Variants in VWC2L observed in about 807,000 individuals in gnomAD.
VWC2L encodes the protein von Willebrand factor C domain containing 2 like.
A neutral mutation model predicts 21.6 loss-of-function variants in VWC2L; 10 were observed. The observed-to-expected ratio is 0.46, with a 90% CI of 0.29 to 0.78. The LOEUF (loss-of-function observed/expected upper bound fraction) is 0.78. VWC2L is among the 30% of genes least tolerant of loss of function. The probability of loss-of-function intolerance (pLI) is 0.10; values close to 1 mark genes in which losing one functional copy is unlikely to be tolerated. For synonymous variants in VWC2L, 96 were observed against 94.3 expected, an observed-to-expected ratio of 1.02 and a Z score of -0.10; for missense variants, 209 against 277.1, an observed-to-expected ratio of 0.75 and a Z score of 1.74.
intron 3 of VWC2L, among the ~76,000 whole-genome samples, chr2:214,468,252 A>G (rs926129059): frequency 2.6e-5 from 4 of 152,174 alleles, no homozygotes; most frequent in Admixed American, 1.3e-4. Flanking sequence ...CCTGGCCTCA[A>G]GGGATCTGCC....
intron 3 of VWC2L, among the ~76,000 whole-genome samples, chr2:214,569,935 C>T (rs1473932998): frequency 1.3e-5 from 2 of 151,908 alleles, no homozygotes; most frequent in African/African-American, 4.9e-5. Flanking sequence ...CCTTTTCCAT[C>T]CAATTTTTAT....
chr2:214,445,879 T>C, intron 3 of VWC2L, among the ~76,000 whole-genome samples: 1 of 152,172 alleles, frequency 6.6e-6, no homozygotes. Flanking sequence ...ATTTGTACTC[T>C]ATCAACTAAT....
chr2:214,551,607 A>G (rs1245295754), intron 3 of VWC2L, among the ~76,000 whole-genome samples: 4 of 152,136 alleles, frequency 2.6e-5, no homozygotes, highest in Admixed American at 2.6e-4. Context: ...TTTCATTCCA[A>G]TCTATCAGCT....
intron 3 of VWC2L, among the ~76,000 whole-genome samples, chr2:214,478,247 G>A (rs941985253): frequency 2.0e-5 from 3 of 152,084 alleles, no homozygotes; most frequent in Non-Finnish European, 4.4e-5. Flanking sequence ...GGGAGGCCGA[G>A]GCAGGCGGAT....
At chr2:214,540,893 C>A (rs1465139746) in intron 3 of VWC2L, among the ~76,000 whole-genome samples, 1 of 152,170 alleles carries the variant, frequency 6.6e-6, no homozygotes, top group African/African-American at 2.4e-5. Flanking sequence ...CTTCTTCAGG[C>A]AACACATGCA....
chr2:214,544,274 T>C (rs1055924074), intron 3 of VWC2L, among the ~76,000 whole-genome samples: 1 of 152,116 alleles, frequency 6.6e-6, no homozygotes, highest in African/African-American at 2.4e-5. Context: ...GAGAGCCCTG[T>C]TGTAATAGAG....
chr2:214,536,709 T>C (rs1378419831), intron 3 of VWC2L: 4 of 152,108 alleles, frequency 2.6e-5, no homozygotes, highest in South Asian at 4.2e-4. Flanking sequence ...AAAATGTATA[T>C]CTAATCTCTT....
At chr2:214,481,564 CATT>C (rs1688604226) in intron 3 of VWC2L, among the ~76,000 whole-genome samples, 1 of 152,158 alleles carries the variant, frequency 6.6e-6, no homozygotes, top group African/African-American at 2.4e-5. Flanking sequence ...AAGAACTAAT[CATT>C]GTTGTTTAAA....
At chr2:214,484,364 G>A (rs1210248830) in intron 3 of VWC2L, among the ~76,000 whole-genome samples, 1 of 152,076 alleles carries the variant, frequency 6.6e-6, no homozygotes, top group East Asian at 1.9e-4. Flanking sequence ...TGTGACACTG[G>A]GCAACTCACT....
At chr2:214,425,412 T>C (rs1336603384) in intron 2 of VWC2L, among the ~76,000 whole-genome samples, 1 of 152,242 alleles carries the variant, frequency 6.6e-6, no homozygotes, top group Non-Finnish European at 1.5e-5. Context: ...CCTATTTCTC[T>C]GCATTCCTGA....
At position 214,490,891 on chromosome 2, in the gene VWC2L, G is replaced by A. The variant is rs376125696; in HGVS notation, c.520+54133G>A. Reference sequence around the variant, plus strand: ...AAGAGCTAGCCTACAGCCACAACAAGAATGACACTTGGAAACACCGTGCTA... The same window carrying A: ...AAGAGCTAGCCTACAGCCACAACAAAAATGACACTTGGAAACACCGTGCTA... On this transcript the variant is annotated intron_variant, in intron 3 of 3. Coordinates refer to ENST00000312504, the MANE Select transcript of VWC2L (RefSeq NM_001080500.4). Among the ~76,000 whole-genome samples, 6 of 152,294 alleles carry A rather than the reference G, an allele frequency of 3.9e-5. No individual in the cohort carries two copies. In the East Asian group the frequency reaches 1.2e-3, roughly 29 times the overall value.
At chr2:214,524,418 C>T (rs1389363070) in intron 3 of VWC2L, among the ~76,000 whole-genome samples, 6 of 152,280 alleles carry the variant, frequency 3.9e-5, no homozygotes, top group East Asian at 3.9e-4. Flanking sequence ...ATCTCAGCCA[C>T]GTTCTGAGGA....
chr2:214,570,032 A>G (rs778115201), intron 3 of VWC2L, among the ~76,000 whole-genome samples: 1 of 152,052 alleles, frequency 6.6e-6, no homozygotes, highest in Non-Finnish European at 1.5e-5. Flanking sequence ...GAGACCCTTC[A>G]ATTTTCTGCT....
Position 214,563,546 on chromosome 2 carries a change from C to CAAAAAAAAAAAAAAA in VWC2L, c.521-12105_521-12091dup, listed in dbSNP as rs55864016. On this transcript the variant is annotated intron_variant, in intron 3 of 3. Coordinates refer to ENST00000312504, the MANE Select transcript of VWC2L (RefSeq NM_001080500.4). ...TGGGTGACACAGCAAGACTCCGTCT[C>CAAAAAAAAAAAAAAA]AAAAAAAAAAAAAAAAAAAAAAAAA... Among the ~76,000 whole-genome samples the CAAAAAAAAAAAAAAA allele has an allele frequency of 2.0e-3, 188 of 95,782 alleles. 2 individuals carry two copies. Among genetic ancestry groups the CAAAAAAAAAAAAAAA allele is most frequent in the African/African-American group, 2.5e-3 (60 of 23,778 alleles). The allele number at this position is 95,782 out of a possible 152,430, so 62.8% of individuals were successfully genotyped here.
intron 3 of VWC2L, among the ~76,000 whole-genome samples, chr2:214,491,051 G>A (rs1688738865): frequency 6.6e-6 from 1 of 152,092 alleles, no homozygotes; most frequent in African/African-American, 2.4e-5. Context: ...CTACTCAATG[G>A]GTATAGATTT....
At chr2:214,488,213 A>G (rs554424186) in intron 3 of VWC2L, among the ~76,000 whole-genome samples, 8 of 152,276 alleles carry the variant, frequency 5.3e-5, no homozygotes, top group African/African-American at 1.4e-4. Context: ...AGACTTCACT[A>G]TAAGTCTATT....
intron 3 of VWC2L, among the ~76,000 whole-genome samples, chr2:214,482,600 C>T (rs1027496624): frequency 3.1e-4 from 45 of 146,808 alleles, no homozygotes; most frequent in African/African-American, 7.8e-4. Context: ...TATATATTTA[C>T]CAGTTTGAAG....
intron 3 of VWC2L, among the ~76,000 whole-genome samples, chr2:214,530,167 G>T (rs1689411115): frequency 6.6e-6 from 1 of 152,176 alleles, no homozygotes; most frequent in African/African-American, 2.4e-5. Context: ...AAATGAGTTT[G>T]TGCCAAGTGG....
chr2:214,545,097 T>C (rs1347539765), intron 3 of VWC2L, among the ~76,000 whole-genome samples: 2 of 152,110 alleles, frequency 1.3e-5, no homozygotes, highest in Non-Finnish European at 2.9e-5. Context: ...CTAGCAATTA[T>C]AGGAAAACTA....
Sources: allele counts gnomAD v4.1 joint callset (sites outside exome capture counted in the v4.1 genomes callset), GRCh38; gene constraint gnomAD v4.1.1; transcripts MANE v1.5; gene names NCBI Gene and HGNC (gene_info 2026-07-23, HGNC 2026-07-21).